The following PAX6 variants were observed in gnomAD, a reference collection of about 807,000 sequenced individuals.
The protein encoded by PAX6 is paired box protein Pax-6.
A neutral mutation model predicts 60.7 loss-of-function variants in PAX6; 7 were observed. That is an observed-to-expected ratio of 0.12 (90% CI 0.07 to 0.22). The LOEUF (loss-of-function observed/expected upper bound fraction) is 0.22, where lower values mean the gene tolerates loss of function less well. Ranked by LOEUF, PAX6 falls within the 10% of genes least tolerant of loss-of-function variation. PAX6 has a pLI of 1.00. For synonymous variants in PAX6, 208 were observed against 201.2 expected (o/e 1.03, Z -0.29); for missense variants, 355 against 555.2 (o/e 0.64, Z 3.62).
intron 12 of PAX6, chr11:31,791,900 T>C (rs1009108626): frequency 6.6e-6 from 1 of 152,244 alleles, no homozygotes; most frequent in Non-Finnish European, 1.5e-5. Context: ...TTATGCTTAA[T>C]GAATGCATGT....
chr11:31,792,887 T>G, intron 12 of PAX6: 1 of 227,754 alleles, frequency 4.4e-6, no homozygotes, highest in Non-Finnish European at 8.7e-6. Context: ...CCTTTTCTTA[T>G]TGTAGATACA....
At chr11:31,794,477 C>T in intron 9 of PAX6, 153 bp downstream of exon 9, 1 of 449,158 alleles carries the variant, frequency 2.2e-6, no homozygotes, top group Non-Finnish European at 3.9e-6. Context: ...CACACACACA[C>T]ACTGAAAAGA....
rs1354658511 is a variant in PAX6, at chr11:31,789,486, A to G, written c.*448T>C. The G allele has an allele frequency of 5.5e-6, 3 of 544,230 alleles. No individual in the cohort carries two copies. The highest frequency in any genetic ancestry group is 3.0e-5 in the East Asian group (1 of 33,702). The allele number at this position is 544,230 out of a possible 1,614,324, so 33.7% of individuals were successfully genotyped here. Reference sequence around the variant, plus strand: ...TGATACAAACTTGGAACATCAGTCCATAAACTATGAACAGATGGGTAGAAG... The same window carrying G: ...TGATACAAACTTGGAACATCAGTCCGTAAACTATGAACAGATGGGTAGAAG... On this transcript the variant is annotated 3_prime_UTR_variant, in exon 14 of 14. Transcript: ENST00000640368.
chr11:31,793,624 G>A, intron 11 of PAX6, 28 bp downstream of exon 11: 1 of 1,614,058 alleles, frequency 6.2e-7, no homozygotes, highest in Non-Finnish European at 8.5e-7. Flanking sequence ...TAAAGACATT[G>A]ATTCGTAGTA....
At position 31,793,671 on chromosome 11, in the gene PAX6, A is replaced by G; in HGVS notation, c.939T>C (p.Ile313=). The change falls in exon 11 of 14, where the codon ATT becomes ATC. Residue 313 remains isoleucine (I), a synonymous_variant. Coordinates refer to ENST00000640368, the MANE Select transcript of PAX6 (RefSeq NM_001368894.2). ...AATTACCCGGTGTGGTGGGTTGTGG[A>G]ATTGGTTGGTAGACACTGGTGCTGA... ...SSFSTSVYQP[I]PQPTTPVSSF... The G allele has an allele frequency of 6.2e-7, 1 of 1,614,126 alleles. No individual in the cohort carries two copies. The highest frequency in any genetic ancestry group is 1.1e-5 in the South Asian group (1 of 91,084).
intron 12 of PAX6, 72 bp downstream of exon 12, chr11:31,793,366 G>T: frequency 2.3e-6 from 3 of 1,283,208 alleles, no homozygotes; most frequent in South Asian, 1.2e-5. Context: ...AGCCAATGAG[G>T]TCCGCAGGCC....
In PAX6 at chr11:31,794,106, T is replaced by C; in HGVS notation, c.733A>G (p.Arg245Gly). 6.2e-7 allele frequency: 1 copy of C among 1,605,150 alleles called. No individual in the cohort carries two copies. Among genetic ancestry groups the C allele is most frequent in the Non-Finnish European group, 8.5e-7 (1 of 1,171,838 alleles). The change falls in exon 10 of 14, where the codon AGA becomes GGA. Residue 245 changes from arginine (R) to glycine (G), a missense_variant. Around this residue, in one of 5 missense-constraint regions of PAX6, gnomAD observed 17 missense variants for 57.5 expected, o/e 0.30. Transcript: ENST00000640368. ...QIEALEKEFE[R>G]THYPDVFARE... is the part of the protein sequence containing the mutation. ...GCAAACACATCTGGATAATGGGTTC[T>C]CTCAAACTCTGAAAGAGTAAGTTGA... is the stretch of plus-strand genomic sequence containing the variant.
intron 8 of PAX6, among the ~76,000 whole-genome samples, chr11:31,798,483 C>T (rs1335965230): frequency 6.6e-6 from 1 of 152,204 alleles, no homozygotes; most frequent in Non-Finnish European, 1.5e-5. Flanking sequence ...GAGGGGGACC[C>T]TCTTAGCACC....
At chr11:31,801,028 C>T (rs1953659732) in intron 7 of PAX6, 172 bp from the exon 8 acceptor site, 2 of 799,796 alleles carry the variant, frequency 2.5e-6, no homozygotes, top group African/African-American at 1.7e-5. Flanking sequence ...TGATAGCTAT[C>T]ACTTTGGGCA....
At chr11:31,793,408 G>T (rs1316654824) in intron 12 of PAX6, 30 bp downstream of exon 12, 3 of 1,580,734 alleles carry the variant, frequency 1.9e-6, no homozygotes, top group Non-Finnish European at 1.7e-6. Flanking sequence ...TGGGGCCTGG[G>T]TTATGCAGGC....
intron 2 of PAX6, chr11:31,807,607 C>T (rs566538959): frequency 9.8e-5 from 15 of 152,330 alleles, no homozygotes; most frequent in African/African-American, 3.6e-4. Flanking sequence ...ACCCCTTTAA[C>T]TGTACTGTGA....
At position 31,816,732 on chromosome 11, in the gene PAX6, C is replaced by T. The variant is rs1050627215; in HGVS notation, c.-317+1077G>A. The T allele has an allele frequency of 3.1e-5, 21 of 683,532 alleles. No homozygotes were observed. In the Middle Eastern group the frequency reaches 1.1e-3, roughly 35 times the overall value. The allele number at this position is 683,532 out of a possible 1,614,324, so 42.3% of individuals were successfully genotyped here. ...CACCGCTCGGAGTCGGGCGGAGGTCCCAACACCTGTCACAGGTGACTGAGC... is the reference window on the plus strand; with the variant it reads ...CACCGCTCGGAGTCGGGCGGAGGTCTCAACACCTGTCACAGGTGACTGAGC... On this transcript the variant is annotated intron_variant, in intron 1 of 12. Coordinates refer to the PAX6 transcript ENST00000241001.
At chr11:31,798,657 C>CT (rs1952470750) in intron 8 of PAX6, among the ~76,000 whole-genome samples, 1 of 152,130 alleles carries the variant, frequency 6.6e-6, no homozygotes, top group South Asian at 2.1e-4. Flanking sequence ...AAAAACCTCA[C>CT]TTGCGGGTGG....
Position 31,806,423 on chromosome 11 carries a change from C to T in PAX6, c.-12G>A, listed in dbSNP as rs373532310. Reference sequence around the variant, plus strand: ...TTACTGTTCTGCATGCTGGCTCTGGCTGGGGGCCGCGGGATTCCACGGGGC... The same window carrying T: ...TTACTGTTCTGCATGCTGGCTCTGGTTGGGGGCCGCGGGATTCCACGGGGC... On this transcript the variant is annotated 5_prime_UTR_variant, in exon 4 of 14. Coordinates refer to ENST00000640368, the MANE Select transcript of PAX6 (RefSeq NM_001368894.2). The T allele has an allele frequency of 3.1e-6, 5 of 1,609,498 alleles. No individual in the cohort carries two copies. Among genetic ancestry groups the T allele is most frequent in the Non-Finnish European group, 1.7e-6 (2 of 1,178,124 alleles).
chr11:31,793,225 A>C (rs1424154154), intron 12 of PAX6: 16 of 693,906 alleles, frequency 2.3e-5, no homozygotes, highest in Non-Finnish European at 4.2e-5. Flanking sequence ...AACTGGACAG[A>C]TTTTTATTAC....
intron 8 of PAX6, among the ~76,000 whole-genome samples, chr11:31,800,132 C>T (rs1200237303): frequency 1.3e-5 from 2 of 152,034 alleles, no homozygotes; most frequent in Non-Finnish European, 2.9e-5. Context: ...AAAGTGGGAC[C>T]CAGAGGGGCG....
chr11:31,806,305 C>A, intron 4 of PAX6, 97 bp downstream of exon 4: 2 of 1,437,814 alleles, frequency 1.4e-6, no homozygotes, highest in Non-Finnish European at 1.9e-6. Flanking sequence ...GGTCGGCGGC[C>A]GGGCCAGCGC....
At chr11:31,813,162 A>C (rs1957204573), upstream of PAX6, 1 of 151,866 alleles carries the variant, frequency 6.6e-6, no homozygotes, top group Non-Finnish European at 1.5e-5. Flanking sequence ...GTCAGAGGTG[A>C]AGGAGGTGGC....
intron 8 of PAX6, among the ~76,000 whole-genome samples, chr11:31,799,220 T>A (rs1292514214): frequency 6.6e-6 from 1 of 152,086 alleles, no homozygotes; most frequent in Admixed American, 6.5e-5. Flanking sequence ...CAATCGCTAG[T>A]CTCACCAGAG....
Sources: gnomAD v4.1 joint callset for allele counts (sites outside exome capture counted in the v4.1 genomes callset) on GRCh38, gnomAD v4.1.1 for gene constraint, gnomAD v4.1.1 regional missense constraint, MANE v1.5 for transcripts, NCBI Gene and HGNC (gene_info 2026-07-23, HGNC 2026-07-21) for gene names.